The following SPMIP2 variants were observed in gnomAD, a reference collection of about 807,000 sequenced individuals.
SPMIP2 encodes the protein protein SPMIP2.
chr4:158,920,712 G>T, the SPMIP2 span, among the ~76,000 whole-genome samples: 106,741 of 151,716 alleles, frequency 0.7, 38,248 homozygotes, highest in East Asian at 0.95. Context: ...CCACTGAACA[G>T]AGACCCTTAT....
the SPMIP2 span, among the ~76,000 whole-genome samples, chr4:158,943,858 C>CTTTCTTTTT: frequency 3.9e-5 from 4 of 101,914 alleles, no homozygotes; most frequent in African/African-American, 1.6e-4. Flanking sequence ...TTGACATTTT[C>CTTTCTTTTT]TTTTTTTTTT....
chr4:158,990,874 A>AT, the SPMIP2 span, among the ~76,000 whole-genome samples: 32 of 89,660 alleles, frequency 3.6e-4, no homozygotes, highest in African/African-American at 9.0e-4. Flanking sequence ...TTAAAATATA[A>AT]TAAAAAACGT....
the SPMIP2 span, among the ~76,000 whole-genome samples, chr4:159,030,293 T>G: frequency 1.3e-5 from 2 of 151,880 alleles, no homozygotes; most frequent in African/African-American, 4.8e-5. Flanking sequence ...ACACCTATAG[T>G]CCCAGCCACT....
At chr4:159,069,029 G>A in the SPMIP2 span, among the ~76,000 whole-genome samples, 4 of 152,130 alleles carry the variant, frequency 2.6e-5, no homozygotes, top group African/African-American at 9.7e-5. Flanking sequence ...TAGGCTGGGT[G>A]CCGTGGCTCA....
the SPMIP2 span, among the ~76,000 whole-genome samples, chr4:158,914,269 C>G: frequency 6.6e-6 from 1 of 152,170 alleles, no homozygotes. Context: ...TCGAACTGTT[C>G]CCTTTTTCAA....
At chr4:159,080,086 C>G in the SPMIP2 span, among the ~76,000 whole-genome samples, 2 of 151,986 alleles carry the variant, frequency 1.3e-5, no homozygotes, top group South Asian at 4.2e-4. Flanking sequence ...TAGTGAGAAT[C>G]CCAGTTGTCT....
the SPMIP2 span, among the ~76,000 whole-genome samples, chr4:159,068,684 T>A: frequency 7.6e-5 from 11 of 144,496 alleles, no homozygotes; most frequent in South Asian, 6.5e-4. Flanking sequence ...AATAAATAAA[T>A]AAAAAATAAA....
the SPMIP2 span, among the ~76,000 whole-genome samples, chr4:159,016,301 T>C: frequency 5.9e-5 from 9 of 152,162 alleles, no homozygotes; most frequent in Admixed American, 2.0e-4. Context: ...TCCACGCACT[T>C]CAAAAGCTGA....
At chr4:158,921,559 T>C in the SPMIP2 span, among the ~76,000 whole-genome samples, 3 of 152,302 alleles carry the variant, frequency 2.0e-5, no homozygotes, top group South Asian at 6.2e-4. Context: ...TGCTTTCCCT[T>C]CATCTTCTGT....
the SPMIP2 span, chr4:158,895,905 G>A: frequency 9.2e-5 from 131 of 1,423,390 alleles, no homozygotes; most frequent in Middle Eastern, 1.8e-4. Flanking sequence ...CCTTTGATAG[G>A]TATCCCTAGC....
the SPMIP2 span, among the ~76,000 whole-genome samples, chr4:159,017,313 T>C: frequency 6.6e-6 from 1 of 151,242 alleles, no homozygotes; most frequent in East Asian, 1.9e-4. Flanking sequence ...AACTTGTAAG[T>C]TAGTGCCTAT....
chr4:158,964,791 T>C, the SPMIP2 span, among the ~76,000 whole-genome samples: 1 of 152,252 alleles, frequency 6.6e-6, no homozygotes, highest in East Asian at 1.9e-4. Context: ...CTTACAATCA[T>C]GGCAGAAAAG....
the SPMIP2 span, among the ~76,000 whole-genome samples, chr4:158,988,307 A>G: frequency 6.6e-6 from 1 of 152,262 alleles, no homozygotes; most frequent in Non-Finnish European, 1.5e-5. Context: ...AAATTCTACC[A>G]GAGGTACAAA....
the SPMIP2 span, among the ~76,000 whole-genome samples, chr4:158,985,723 C>T: frequency 2.7e-5 from 4 of 149,978 alleles, no homozygotes; most frequent in Non-Finnish European, 4.4e-5. Context: ...AAAACTGGCA[C>T]AAGACAGGGA....
chr4:158,984,736 A>G, the SPMIP2 span, among the ~76,000 whole-genome samples: 1 of 152,174 alleles, frequency 6.6e-6, no homozygotes, highest in South Asian at 2.1e-4. Context: ...GAAAAGAAAG[A>G]GCAAACACAT....
At chr4:159,046,015 C>T in the SPMIP2 span, among the ~76,000 whole-genome samples, 4 of 152,102 alleles carry the variant, frequency 2.6e-5, no homozygotes, top group African/African-American at 7.2e-5. Flanking sequence ...TTTGGAAAGC[C>T]GAGGCGGGCA....
chr4:158,915,495 C>G, the SPMIP2 span: 1 of 735,156 alleles, frequency 1.4e-6, no homozygotes, highest in Non-Finnish European at 2.2e-6. Flanking sequence ...AAGCTGAAGA[C>G]CTGACCCATC....
At chr4:158,909,962 A>G in the SPMIP2 span, among the ~76,000 whole-genome samples, 12 of 152,154 alleles carry the variant, frequency 7.9e-5, no homozygotes, top group Non-Finnish European at 1.3e-4. Flanking sequence ...AAATTGTTTG[A>G]ACCTGGGAGG....
chr4:158,981,190 G>A, the SPMIP2 span, among the ~76,000 whole-genome samples: 2 of 152,222 alleles, frequency 1.3e-5, no homozygotes, highest in Non-Finnish European at 2.9e-5. Context: ...AAGCCTCCAA[G>A]AAATATGAGA....
Sources: allele counts gnomAD v4.1 joint callset (sites outside exome capture counted in the v4.1 genomes callset), GRCh38; gene constraint gnomAD v4.1.1; transcripts MANE v1.5; gene names NCBI Gene and HGNC (gene_info 2026-07-23, HGNC 2026-07-21).